The following GRIN2B variants were observed in gnomAD, a reference collection of about 807,000 sequenced individuals.
GRIN2B encodes the protein glutamate ionotropic receptor NMDA type subunit 2B, also known as glutamate receptor ionotropic, NMDA 2B.
Under a neutral mutation model 114.5 loss-of-function variants are expected in GRIN2B, and 5 were observed. The ratio of observed to expected loss-of-function variants is 0.04; its 90% CI spans 0.02 to 0.09. GRIN2B has a LOEUF of 0.09. GRIN2B is among the 10% of genes least tolerant of loss of function. The probability of loss-of-function intolerance (pLI) is 1.00; values close to 1 mark genes in which losing one functional copy is unlikely to be tolerated. For synonymous variants in GRIN2B, 787 were observed against 745.1 expected (o/e 1.06, Z -0.92); for missense variants, 1,108 against 1,943.5 (o/e 0.57, Z 8.08).
intron 3 of GRIN2B, among the ~76,000 whole-genome samples, chr12:13,798,556 A>C (rs1032221345): frequency 5.9e-5 from 9 of 152,190 alleles, no homozygotes; most frequent in African/African-American, 2.2e-4. Context: ...ATATACTATA[A>C]AATGTTTGAT....
At chr12:13,651,961 C>T (rs1162008992) in intron 5 of GRIN2B, among the ~76,000 whole-genome samples, 1 of 152,084 alleles carries the variant, frequency 6.6e-6, no homozygotes, top group Non-Finnish European at 1.5e-5. Context: ...ATCCATTTAA[C>T]ATTTAATGAG....
intron 2 of GRIN2B, among the ~76,000 whole-genome samples, chr12:13,898,195 A>G (rs1321264828): frequency 6.6e-6 from 1 of 152,060 alleles, no homozygotes; most frequent in East Asian, 1.9e-4. Context: ...AATGGGAACT[A>G]TTAGGGTCTG....
chr12:13,537,417 T>C lies in GRIN2B; in HGVS notation c.*25366A>G, dbSNP rs1948226330. ...CAGTATGTCTATATCTAGCCGTGTA[T>C]GCTGGGGATAGGCAGAATTAGAGAA... On this transcript the variant is annotated 3_prime_UTR_variant, in exon 14 of 14. Coordinates refer to ENST00000609686, the MANE Select transcript of GRIN2B (RefSeq NM_000834.5). 6.6e-6 allele frequency: 1 copy of C among 152,128 alleles called. No individual in the cohort carries two copies. Among genetic ancestry groups the C allele is most frequent in the South Asian group, 2.1e-4 (1 of 4,824 alleles). 9.4% of individuals were successfully genotyped at this position (152,128 alleles called of 1,614,324 possible).
chr12:13,621,632 T>TTG (rs1565480196), intron 5 of GRIN2B, among the ~76,000 whole-genome samples: 2 of 147,260 alleles, frequency 1.4e-5, no homozygotes, highest in African/African-American at 5.1e-5. Flanking sequence ...TTTTTTTTTT[T>TTG]TTTTTTTTCA....
At chr12:13,654,283 A>G (rs556915149) in intron 5 of GRIN2B, among the ~76,000 whole-genome samples, 34 of 152,280 alleles carry the variant, frequency 2.2e-4, no homozygotes, top group African/African-American at 7.9e-4. Flanking sequence ...GTGGCAAGGG[A>G]AAGAAAAGCT....
At chr12:13,582,677 G>A (rs890949241) in intron 10 of GRIN2B, among the ~76,000 whole-genome samples, 27 of 152,180 alleles carry the variant, frequency 1.8e-4, no homozygotes, top group Admixed American at 9.2e-4. Context: ...GTGCTGCTGG[G>A]GAAGGAATTT....
At chr12:13,832,332 T>C (rs1014685446) in intron 3 of GRIN2B, among the ~76,000 whole-genome samples, 3 of 152,234 alleles carry the variant, frequency 2.0e-5, no homozygotes, top group South Asian at 2.1e-4. Context: ...CACATCTTCA[T>C]AGTACAAACA....
Position 13,563,759 on chromosome 12 carries a change from T to A in GRIN2B, c.3479A>T (p.Asp1160Val). ...DLTDIYKERS[D>V]DFKRDSVSGG... ...GCTGACGGAGTCGCGCTTAAAGTCA[T>A]CACTCCGCTCCTTGTAGATGTCGGT... Residue 1160 changes from aspartate to valine, a missense_variant, in exon 14 of 14, where the codon GAT becomes GTT. Asp to Val is a radical substitution (Grantham distance 152, BLOSUM62 -3). Coordinates refer to ENST00000609686, the MANE Select transcript of GRIN2B (RefSeq NM_000834.5). The A allele has an allele frequency of 6.2e-7, 1 of 1,614,034 alleles. No homozygotes were observed. Among genetic ancestry groups the A allele is most frequent in the Non-Finnish European group, 8.5e-7 (1 of 1,180,026 alleles).
At chr12:13,755,468 G>T (rs1288924930) in intron 3 of GRIN2B, among the ~76,000 whole-genome samples, 1 of 152,164 alleles carries the variant, frequency 6.6e-6, no homozygotes, top group African/African-American at 2.4e-5. Context: ...CCTGGTAAGG[G>T]TGAAATGGTG....
chr12:13,657,751 GAGATT>G (rs1949880323), intron 5 of GRIN2B, among the ~76,000 whole-genome samples: 1 of 152,148 alleles, frequency 6.6e-6, no homozygotes, highest in South Asian at 2.1e-4. Context: ...ATAATGGACA[GAGATT>G]AGATATTTCA....
chr12:13,809,304 A>G (rs1274879618), intron 3 of GRIN2B, among the ~76,000 whole-genome samples: 1 of 152,206 alleles, frequency 6.6e-6, no homozygotes, highest in African/African-American at 2.4e-5. Context: ...TAGGAAGACC[A>G]GGAGGTTTAG....
intron 2 of GRIN2B, among the ~76,000 whole-genome samples, chr12:13,907,695 G>T: frequency 6.6e-6 from 1 of 152,140 alleles, no homozygotes; most frequent in East Asian, 1.9e-4. Context: ...TATCTGTTTA[G>T]TGGTTATATG....
chr12:13,694,158 C>T (rs1258853900), intron 4 of GRIN2B, among the ~76,000 whole-genome samples: 1 of 152,038 alleles, frequency 6.6e-6, no homozygotes, highest in Non-Finnish European at 1.5e-5. Context: ...CATAGCCTTG[C>T]CAGAAAAATT....
intron 5 of GRIN2B, among the ~76,000 whole-genome samples, chr12:13,631,323 TG>T: frequency 6.6e-6 from 1 of 152,310 alleles, no homozygotes; most frequent in South Asian, 2.1e-4. Flanking sequence ...TGTCTGTGAC[TG>T]CCCATGGGAT....
At chr12:13,676,327 C>T (rs1950073516) in intron 4 of GRIN2B, among the ~76,000 whole-genome samples, 1 of 152,104 alleles carries the variant, frequency 6.6e-6, no homozygotes, top group Admixed American at 6.6e-5. Context: ...ACATCCTGCA[C>T]ATGTACCCCA....
intron 3 of GRIN2B, among the ~76,000 whole-genome samples, chr12:13,790,771 A>T (rs977227458): frequency 6.6e-6 from 1 of 152,192 alleles, no homozygotes; most frequent in Admixed American, 6.5e-5. Flanking sequence ...TTGTTGATGA[A>T]GCTGTTAAAG....
intron 5 of GRIN2B, among the ~76,000 whole-genome samples, chr12:13,662,909 C>A (rs2136528437): frequency 6.6e-6 from 1 of 152,250 alleles, no homozygotes; most frequent in South Asian, 2.1e-4. Context: ...AGAACAATGA[C>A]AGAGTGGCAG....
chr12:13,871,093 A>G (rs903357532), intron 2 of GRIN2B, among the ~76,000 whole-genome samples: 5 of 152,202 alleles, frequency 3.3e-5, no homozygotes, highest in Non-Finnish European at 7.4e-5. Flanking sequence ...TAAAATTTAC[A>G]TGGGGAGAAA....
rs146256234 is a variant in GRIN2B at position 13,954,581 on chromosome 12, G to A, written c.-19+25347C>T. On this transcript the variant is annotated intron_variant, in intron 2 of 13. Transcript: ENST00000609686. The stretch of plus-strand genomic sequence containing the variant: ...TCCCAGCACTTTGGGAGGCCGAGGC[G>A]GGTGGATCACTTGAGGTCAGGAGTT... Among the ~76,000 whole-genome samples, 429 of 151,890 alleles carry A rather than the reference G, an allele frequency of 2.8e-3. 5 individuals carry two copies. The highest frequency in any genetic ancestry group is 9.0e-3 in the South Asian group (43 of 4,800).
Sources: allele counts gnomAD v4.1 joint callset (sites outside exome capture counted in the v4.1 genomes callset), GRCh38; gene constraint gnomAD v4.1.1; transcripts MANE v1.5; gene names NCBI Gene and HGNC (gene_info 2026-07-23, HGNC 2026-07-21).